The following F10 variants were observed in gnomAD, a reference collection of about 807,000 sequenced individuals.
F10 encodes coagulation factor X.
A neutral mutation model predicts 37.1 loss-of-function variants in F10; 29 were observed. The ratio of observed to expected loss-of-function variants is 0.78; its 90% CI spans 0.58 to 1.07. The LOEUF (loss-of-function observed/expected upper bound fraction) is 1.07, where lower values mean the gene tolerates loss of function less well. Ranked by LOEUF, F10 falls within the 50% of genes least tolerant of loss-of-function variation. The pLI, the probability that F10 is intolerant of heterozygous loss-of-function variation, is 0.00. For missense variants in F10, 539 were observed against 667.9 expected, an observed-to-expected ratio of 0.81 and a Z score of 2.13; for synonymous variants, 262 against 268.6, an observed-to-expected ratio of 0.98 and a Z score of 0.24.
chr13:113,133,688 C>T (rs1265745956), intron 2 of F10, among the ~76,000 whole-genome samples: 1 of 152,180 alleles, frequency 6.6e-6, no homozygotes, highest in Non-Finnish European at 1.5e-5. Context: ...GCCAGCATTA[C>T]CCTGATGTCA....
In F10 at chr13:113,143,702, T is replaced by TAGA; in HGVS notation, c.503-149_503-148insAGA. The TAGA allele has an allele frequency of 1.7e-6, 2 of 1,153,640 alleles. No homozygotes were observed. Among genetic ancestry groups the TAGA allele is most frequent in the Non-Finnish European group, 2.4e-6 (2 of 841,148 alleles). 71.5% of individuals were successfully genotyped at this position (1,153,640 alleles called of 1,614,324 possible). ...GCAGATCCGACCCCTGCCGACGACG[T>TAGA]GGGGCCTCGCCCTGCAAGCCCGCTG... On this transcript the variant is annotated intron_variant, in intron 5 of 7. Coordinates refer to ENST00000375559, the MANE Select transcript of F10 (RefSeq NM_000504.4). The surrounding 1 kb of genome is among the most constrained non-coding windows in gnomAD (Gnocchi z 6.8).
chr13:113,129,658 C>A, intron 2 of F10, 46 bp downstream of exon 2: 1 of 1,612,182 alleles, frequency 6.2e-7, no homozygotes, highest in Non-Finnish European at 8.5e-7. Flanking sequence ...GCTCAGGCCA[C>A]AGCGCCCTCG....
chr13:113,139,694 C>T lies in F10; in HGVS notation c.370+224C>T, dbSNP rs1014764940. ...GTTTGGGGGCATGATGAGAGAGACA[C>T]AGTCACTTCTCTGCTCCTCCGAGAG... On this transcript the variant is annotated intron_variant, in intron 4 of 7. Transcript: ENST00000375559. The surrounding 1 kb of genome is among the most constrained non-coding windows in gnomAD (Gnocchi z 5.2). 6.6e-5 allele frequency among the ~76,000 whole-genome samples: 10 copies of T among 152,152 alleles called. No individual in the cohort carries two copies. Among genetic ancestry groups the T allele is most frequent in the Middle Eastern group, 6.8e-3 (2 of 294 alleles).
intron 7 of F10, among the ~76,000 whole-genome samples, chr13:113,148,397 T>TACAC (rs202119318): frequency 3.4e-5 from 1 of 29,508 alleles, no homozygotes; most frequent in Non-Finnish European, 1.0e-4. Flanking sequence ...TATACATATA[T>TACAC]ATACACACAC....
chr13:113,148,345 A>AATATATATATATATATATATAT lies in F10; in HGVS notation c.866-553_866-552insATATATATATATATATATATAT, dbSNP rs1555396300. Reference sequence around the variant, plus strand: ...AACTCTGTCTCAAAAAAAAAAAAAAAATATATATATATATATATGTATATA... The same window carrying AATATATATATATATATATATAT: ...AACTCTGTCTCAAAAAAAAAAAAAAAATATATATATATATATATATATATATATATATATATATATGTATATA... On this transcript the variant is annotated intron_variant, in intron 7 of 7. Transcript: ENST00000375559. Among the ~76,000 whole-genome samples the AATATATATATATATATATATAT allele has an allele frequency of 1.2e-4, 11 of 95,400 alleles. No homozygotes were observed. The East Asian group carries it at 4.3e-3, about 37-fold the overall frequency. 62.6% of individuals were successfully genotyped at this position (95,400 alleles called of 152,430 possible).
chr13:113,127,437 GAA>G (rs2036380786), intron 1 of F10, among the ~76,000 whole-genome samples: 1 of 152,094 alleles, frequency 6.6e-6, no homozygotes, highest in Admixed American at 6.6e-5. Context: ...AAAAAGCACA[GAA>G]AAAGACTACA....
chr13:113,140,394 T>G, intron 4 of F10: 1 of 414,956 alleles, frequency 2.4e-6, no homozygotes, highest in Non-Finnish European at 4.9e-6. Context: ...TGATCATCTT[T>G]AGACTGTGTT....
At chr13:113,148,285 T>C (rs1270901553) in intron 7 of F10, among the ~76,000 whole-genome samples, 4 of 148,298 alleles carry the variant, frequency 2.7e-5, no homozygotes, top group African/African-American at 7.5e-5. Flanking sequence ...GAGCTGAGAT[T>C]GTGCCATTGC....
At chr13:113,128,272 T>C (rs1303227127) in intron 1 of F10, 1 of 152,148 alleles carries the variant, frequency 6.6e-6, no homozygotes, top group East Asian at 1.9e-4. Flanking sequence ...TTATGTATTT[T>C]AGGGGGACAG....
chr13:113,149,005 T>G lies in F10; in HGVS notation c.955T>G (p.Tyr319Asp). Residue 319 changes from tyrosine to aspartate, a missense_variant, in exon 8 of 8, where the codon TAT (tyrosine) becomes GAT (aspartate). By Grantham distance (160) the Tyr-to-Asp change is radical (BLOSUM62 -3). This residue lies in a region of F10 where 409 missense variants were observed against 547.9 expected (regional missense o/e 0.75). Coordinates refer to ENST00000375559, the MANE Select transcript of F10 (RefSeq NM_000504.4). The surrounding 1 kb of genome is among the most constrained non-coding windows in gnomAD (Gnocchi z 7.5). ...GCACAACCGGTTCACAAAGGAGACC[T>G]ATGACTTCGACATCGCCGTGCTCCG... Reference protein sequence around the residue: ...IKHNRFTKETYDFDIAVLRLK... With the variant: ...IKHNRFTKETDDFDIAVLRLK... 1 of 1,613,500 alleles carries G rather than the reference T, an allele frequency of 6.2e-7. No individual in the cohort carries two copies. Among genetic ancestry groups the G allele is most frequent in the Non-Finnish European group, 8.5e-7 (1 of 1,180,000 alleles).
intron 1 of F10, among the ~76,000 whole-genome samples, chr13:113,125,727 T>C (rs556694): frequency 0.16 from 25,123 of 152,294 alleles, 2,972 homozygotes; most frequent in African/African-American, 0.33. Flanking sequence ...TCCAGAGGGC[T>C]GAGCCAGGCA....
chr13:113,125,260 T>C (rs2036359491), intron 1 of F10, among the ~76,000 whole-genome samples: 1 of 152,236 alleles, frequency 6.6e-6, no homozygotes, highest in Admixed American at 6.5e-5. Flanking sequence ...CTACTGCTGT[T>C]GTACTGGCAA....
intron 1 of F10, among the ~76,000 whole-genome samples, chr13:113,123,888 C>T (rs1281945856): frequency 7.9e-5 from 12 of 152,290 alleles, no homozygotes; most frequent in African/African-American, 2.2e-4. Context: ...ACGGGACTCC[C>T]GTCTTCATGG....
In F10 at chr13:113,143,264, A is replaced by C. The variant is rs1280383325; in HGVS notation, c.503-587A>C. Among the ~76,000 whole-genome samples, 1 of 151,954 alleles carries C rather than the reference A, an allele frequency of 6.6e-6. No homozygotes were observed. The highest frequency in any genetic ancestry group is 2.4e-5 in the African/African-American group (1 of 41,364). ...CCTAATTGGCCGTTATACAAAAGGA[A>C]GCTTCCTAACATCTCGGCGTGGCCT... On this transcript the variant is annotated intron_variant, in intron 5 of 7. Transcript: ENST00000375559. The surrounding 1 kb of genome is among the most constrained non-coding windows in gnomAD (Gnocchi z 6.8).
chr13:113,137,807 T>C (rs969699300), intron 2 of F10, among the ~76,000 whole-genome samples: 10 of 152,166 alleles, frequency 6.6e-5, no homozygotes, highest in African/African-American at 2.4e-4. Flanking sequence ...CTGTCTCTTA[T>C]AAGGACTTTC....
Position 113,141,125 on chromosome 13 carries a change from T to C in F10, c.502+75T>C, listed in dbSNP as rs1247826497. 6.3e-7 allele frequency: 1 copy of C among 1,595,126 alleles called. No individual in the cohort carries two copies. The highest frequency in any genetic ancestry group is 8.5e-7 in the Non-Finnish European group (1 of 1,173,722). On this transcript the variant is annotated intron_variant, in intron 5 of 7. Transcript: ENST00000375559. This position sits in a 1 kb window ranked among gnomAD's most constrained non-coding sequence, Gnocchi z 5.4. The stretch of plus-strand genomic sequence containing the variant: ...GGGAGGACAAGCCCGTGCCAGGGGG[T>C]GGGGACACAGGCATGTTCTGGGCGG...
chr13:113,129,742 C>A (rs1162717451), intron 2 of F10, 130 bp downstream of exon 2: 6 of 1,220,284 alleles, frequency 4.9e-6, no homozygotes, highest in Non-Finnish European at 7.1e-6. Flanking sequence ...CTTTCAGGGG[C>A]GGGGCCCAGC....
At chr13:113,126,356 C>T (rs747491820) in intron 1 of F10, among the ~76,000 whole-genome samples, 52 of 152,070 alleles carry the variant, frequency 3.4e-4, no homozygotes, top group Admixed American at 6.6e-4. Context: ...TGGGAAAAGG[C>T]GGGAACTGGA....
chr13:113,138,018 G>C (rs1158850139), intron 2 of F10, among the ~76,000 whole-genome samples: 1 of 152,162 alleles, frequency 6.6e-6, no homozygotes, highest in Non-Finnish European at 1.5e-5. Flanking sequence ...GCGTAATCTA[G>C]GCTCTTGATG....
Sources: gnomAD v4.1 joint callset for allele counts (sites outside exome capture counted in the v4.1 genomes callset) on GRCh38, gnomAD v4.1.1 for gene constraint, gnomAD v4.1.1 regional missense constraint, Gnocchi (gnomAD v3.1) non-coding constraint, MANE v1.5 for transcripts, NCBI Gene and HGNC (gene_info 2026-07-23, HGNC 2026-07-21) for gene names.